AR: variants seen among roughly 807,000 people sequenced by gnomAD.
The protein encoded by AR is androgen receptor.
Under a neutral mutation model 53.9 loss-of-function variants are expected in AR, and 8 were observed. The observed-to-expected ratio is 0.15, with a 90% CI of 0.09 to 0.27. AR has a LOEUF of 0.27. Among genes scored for constraint, AR ranks in the 10% least tolerant of loss-of-function variants. The pLI is 1.00. For missense variants in AR, 639 were observed against 742.5 expected (o/e 0.86, Z 1.62); for synonymous variants, 359 against 316.4 (o/e 1.13, Z -1.43).
rs1245005014 is a variant in AR, at chrX:67,717,381, GC to G, written c.2174-94del. The G allele has an allele frequency of 1.9e-5, 21 of 1,102,968 alleles. No homozygotes were observed. The Admixed American group carries it at 4.9e-4, about 26-fold the overall frequency. 90.9% of individuals were successfully genotyped at this position (1,102,968 alleles called of 1,213,427 possible). ...TGGTCCCTGGGGATCCTTAGGGGAT[GC>G]CCGAATACCAGAGCATCTCTGCCCA... On this transcript the variant is annotated intron_variant, in intron 4 of 7. Coordinates refer to ENST00000374690, the MANE Select transcript of AR (RefSeq NM_000044.6).
intron 1 of AR, among the ~76,000 whole-genome samples, chrX:67,629,631 A>T (rs1399273325): frequency 9.2e-6 from 1 of 109,185 alleles, no homozygotes; most frequent in East Asian, 2.9e-4. Context: ...TTGTGTCTCT[A>T]TTTCCTTTAG....
intron 3 of AR, among the ~76,000 whole-genome samples, chrX:67,705,762 G>T (rs1393454126): frequency 1.8e-5 from 2 of 111,622 alleles, no homozygotes; most frequent in African/African-American, 6.5e-5. Flanking sequence ...TGCCTATTCA[G>T]TATGATATTG....
intron 1 of AR, among the ~76,000 whole-genome samples, chrX:67,564,519 G>T (rs1336389618): frequency 8.9e-6 from 1 of 111,808 alleles, no homozygotes; most frequent in African/African-American, 3.3e-5. Flanking sequence ...GGATGTATTT[G>T]TTTGGGAATT....
intron 1 of AR, among the ~76,000 whole-genome samples, chrX:67,638,014 C>G (rs1331734136): frequency 9.0e-6 from 1 of 110,606 alleles, no homozygotes; most frequent in Non-Finnish European, 1.9e-5. Flanking sequence ...GTGATGTTCC[C>G]TAGCCTGTGT....
intron 1 of AR, among the ~76,000 whole-genome samples, chrX:67,638,170 C>T (rs1001521420): frequency 8.9e-6 from 1 of 111,785 alleles, no homozygotes; most frequent in Non-Finnish European, 1.9e-5. Context: ...TTTTATATGG[C>T]TGCACAATAT....
At chrX:67,630,999 C>A (rs776768566) in intron 1 of AR, among the ~76,000 whole-genome samples, 1 of 111,377 alleles carries the variant, frequency 9.0e-6, no homozygotes, top group Non-Finnish European at 1.9e-5. Context: ...AAGTTTCTGC[C>A]GAGAGATCTG....
chrX:67,646,924 G>A (rs1926085770), intron 2 of AR, among the ~76,000 whole-genome samples: 1 of 110,995 alleles, frequency 9.0e-6, no homozygotes, highest in African/African-American at 3.3e-5. Flanking sequence ...TTCAGATGGG[G>A]ATAGAGCCAG....
At chrX:67,653,899 C>T (rs1242098166) in intron 2 of AR, among the ~76,000 whole-genome samples, 1 of 110,588 alleles carries the variant, frequency 9.0e-6, no homozygotes. Context: ...TTTACCTGCA[C>T]GTTTTGCACA....
intron 4 of AR, among the ~76,000 whole-genome samples, chrX:67,714,499 C>A (rs2076105268): frequency 9.0e-6 from 1 of 111,696 alleles, no homozygotes; most frequent in Admixed American, 9.6e-5. Context: ...CCTCGGCTGG[C>A]AGATGTACTA....
intron 1 of AR, among the ~76,000 whole-genome samples, chrX:67,580,157 A>T (rs1177372746): frequency 1.9e-5 from 2 of 108,086 alleles, no homozygotes; most frequent in South Asian, 4.1e-4. Flanking sequence ...TTCTCTAAAG[A>T]TCCTCAAGGG....
At chrX:67,611,196 T>A (rs1923864607) in intron 1 of AR, among the ~76,000 whole-genome samples, 3 of 112,090 alleles carry the variant, frequency 2.7e-5, no homozygotes, top group African/African-American at 9.7e-5. Context: ...TGGTAGATAT[T>A]ACCTTTTCCC....
chrX:67,704,922 T>G (rs1227264460), intron 3 of AR, among the ~76,000 whole-genome samples: 1 of 109,876 alleles, frequency 9.1e-6, no homozygotes. Flanking sequence ...CAATTTCTTG[T>G]TTTTGTCAGG....
intron 3 of AR, chrX:67,689,690 G>A: frequency 1.1e-6 from 1 of 870,190 alleles, no homozygotes; most frequent in Non-Finnish European, 1.4e-6. Context: ...TTCATTCCTG[G>A]CTGCATTTGA....
intron 1 of AR, among the ~76,000 whole-genome samples, chrX:67,587,465 G>A (rs1922604749): frequency 8.9e-6 from 1 of 112,333 alleles, no homozygotes; most frequent in Admixed American, 9.4e-5. Context: ...ACTTTTTGGT[G>A]ATAGAAGATG....
intron 3 of AR, among the ~76,000 whole-genome samples, chrX:67,687,862 CT>C (rs759876979): frequency 2.9e-4 from 32 of 112,162 alleles, no homozygotes; most frequent in African/African-American, 1.0e-3. Context: ...GGATGCAAAT[CT>C]TAACATTAAT....
intron 1 of AR, among the ~76,000 whole-genome samples, chrX:67,634,764 G>A (rs867634471): frequency 9.0e-6 from 1 of 111,243 alleles, no homozygotes; most frequent in Non-Finnish European, 1.9e-5. Context: ...AAATAAGTAA[G>A]CACAATAGAT....
intron 1 of AR, among the ~76,000 whole-genome samples, chrX:67,613,001 C>T (rs1240444986): frequency 7.1e-5 from 8 of 111,915 alleles, no homozygotes; most frequent in Non-Finnish European, 1.5e-4. Context: ...GAAGGCATAG[C>T]TTAGAGGATT....
chrX:67,606,232 C>G lies in AR; in HGVS notation c.1617-37024C>G, dbSNP rs1026919910. On this transcript the variant is annotated intron_variant, in intron 1 of 7. Coordinates refer to ENST00000374690, the MANE Select transcript of AR (RefSeq NM_000044.6). ...GTACATTGAGTTTAAGGGAATGGCA[C>G]ATACTTCACTGTTGCTTCAGCAGAC... 3.6e-5 allele frequency among the ~76,000 whole-genome samples: 4 copies of G among 111,167 alleles called. No homozygotes were observed. In the Admixed American group the frequency reaches 3.8e-4, roughly 11 times the overall value.
At chrX:67,568,625 C>A (rs1921661729) in intron 1 of AR, among the ~76,000 whole-genome samples, 1 of 111,670 alleles carries the variant, frequency 9.0e-6, no homozygotes, top group African/African-American at 3.3e-5. Context: ...AGAGGCCTGG[C>A]AGTCAGAGGG....
Sources: allele counts gnomAD v4.1 joint callset (sites outside exome capture counted in the v4.1 genomes callset), GRCh38; gene constraint gnomAD v4.1.1; transcripts MANE v1.5; gene names NCBI Gene and HGNC (gene_info 2026-07-23, HGNC 2026-07-21).